Variants in OCA2 observed in about 807,000 individuals in gnomAD.
OCA2 encodes P protein.
A neutral mutation model predicts 100.2 loss-of-function variants in OCA2; 77 were observed. That is an observed-to-expected ratio of 0.77 (90% confidence interval 0.64 to 0.93). OCA2 has a LOEUF of 0.93. OCA2 is among the 40% of genes least tolerant of loss of function. The pLI is 0.00. For missense variants in OCA2, 1,062 were observed against 1,089.1 expected, an observed-to-expected ratio of 0.98 and a Z score of 0.35; for synonymous variants, 432 against 439.2, an observed-to-expected ratio of 0.98 and a Z score of 0.21.
chr15:27,966,912 G>A (rs2040588952), intron 14 of OCA2, 90 bp from the exon 15 acceptor site: 16 of 1,396,640 alleles, frequency 1.1e-5, no homozygotes, highest in Non-Finnish European at 1.5e-5. Flanking sequence ...GGTGGATCAC[G>A]AGGTCCGGAG....
chr15:28,048,543 CA>C (rs2043410620), intron 2 of OCA2, among the ~76,000 whole-genome samples: 1 of 151,772 alleles, frequency 6.6e-6, no homozygotes, highest in South Asian at 2.1e-4. Flanking sequence ...ACAATTGACT[CA>C]AAATAGATCA....
intron 6 of OCA2, among the ~76,000 whole-genome samples, chr15:28,021,340 C>T (rs1042893796): frequency 6.6e-6 from 1 of 152,160 alleles, no homozygotes; most frequent in Non-Finnish European, 1.5e-5. Flanking sequence ...CCAGAAAAGG[C>T]TGGGCGGACA....
At chr15:27,986,757 C>T (rs2041368083) in intron 11 of OCA2, 114 bp from the exon 12 acceptor site, 1 of 774,606 alleles carries the variant, frequency 1.3e-6, no homozygotes, top group African/African-American at 1.7e-5. Context: ...CACCACATCA[C>T]CAAGCTCCTC....
At chr15:27,730,732 AATATATATATATATATATATATATAT>A in the OCA2 span, among the ~76,000 whole-genome samples, 34 of 102,012 alleles carry the variant, frequency 3.3e-4, no homozygotes, top group African/African-American at 8.6e-4. Context: ...AAAAAGACCA[AATATATATATATATATATATATATAT>A]ATATATATAT....
In OCA2 at chr15:27,855,765, T is replaced by C. The variant is rs76717876; in HGVS notation, c.2245-4290A>G. ...TAAGACACAAAAATCCCTGCCCTCA[T>C]AGAGCTTGCTTTACAGTGGCAGACA... On this transcript the variant is annotated intron_variant, in intron 21 of 23. Coordinates refer to ENST00000354638, the MANE Select transcript of OCA2 (RefSeq NM_000275.3). Among the ~76,000 whole-genome samples, 11 of 152,330 alleles carry C rather than the reference T, an allele frequency of 7.2e-5. No individual in the cohort carries two copies. In the East Asian group the frequency reaches 7.7e-4, roughly 11 times the overall value.
At chr15:27,894,633 C>T (rs1382502430) in intron 19 of OCA2, among the ~76,000 whole-genome samples, 3 of 152,208 alleles carry the variant, frequency 2.0e-5, no homozygotes, top group African/African-American at 7.2e-5. Context: ...ATTTGACTCT[C>T]CTGCTTCAGC....
chr15:27,953,878 A>G (rs1179137661), intron 17 of OCA2, among the ~76,000 whole-genome samples: 1 of 151,872 alleles, frequency 6.6e-6, no homozygotes, highest in East Asian at 1.9e-4. Flanking sequence ...TGTACACAGT[A>G]CCCAATGTGT....
At chr15:27,755,542 C>T in intron 23 of OCA2, 70 bp from the exon 24 acceptor site, 4 of 1,188,922 alleles carry the variant, frequency 3.4e-6, no homozygotes, top group Non-Finnish European at 5.0e-6. Flanking sequence ...GGACTCATAG[C>T]TCATGAGAAC....
intron 7 of OCA2, among the ~76,000 whole-genome samples, chr15:28,016,629 A>C (rs2042402510): frequency 6.6e-6 from 1 of 152,092 alleles, no homozygotes; most frequent in African/African-American, 2.4e-5. Flanking sequence ...AAAAGTTTTA[A>C]AAATTAGCCA....
intron 23 of OCA2, among the ~76,000 whole-genome samples, chr15:27,829,208 T>G (rs139744310): frequency 5.9e-5 from 9 of 151,512 alleles, no homozygotes; most frequent in African/African-American, 2.2e-4. Flanking sequence ...GCTAAATGAG[T>G]AGATATAGAT....
rs1276381840 is a variant in OCA2, at chr15:27,989,609, A to G, written c.1174T>C (p.Phe392Leu). 2 of 1,613,934 alleles carry G rather than the reference A, an allele frequency of 1.2e-6. No individual in the cohort carries two copies. Among genetic ancestry groups the G allele is most frequent in the African/African-American group, 1.3e-5 (1 of 74,918 alleles). ...WIDFETLALL[F>L]GMMILVAIFS... The stretch of plus-strand genomic sequence containing the variant: ...GGGAGAGCTGTAATTACCATGCCAA[A>G]CAGCAGGGCCAGCGTCTCAAAATCA... The change falls in exon 11 of 24, where the codon TTT becomes CTT. Residue 392 changes from phenylalanine (F) to leucine (L), a missense_variant. Transcript: ENST00000354638.
chr15:27,940,246 G>A (rs1267361996), intron 18 of OCA2, among the ~76,000 whole-genome samples: 5 of 152,136 alleles, frequency 3.3e-5, no homozygotes, highest in East Asian at 1.9e-4. Context: ...TTAACAAATC[G>A]TGTAGGAGGT....
chr15:27,955,758 G>A (rs1036368760), intron 16 of OCA2, among the ~76,000 whole-genome samples: 6 of 152,146 alleles, frequency 3.9e-5, no homozygotes, highest in African/African-American at 1.4e-4. Context: ...GCCAGCAGTT[G>A]GGGAAGATCA....
rs2044634577 is a variant in OCA2 at position 28,081,753 on chromosome 15, C to T, written c.122G>A (p.Gly41Glu). 1 of 1,613,330 alleles carries T rather than the reference C, an allele frequency of 6.2e-7. No individual in the cohort carries two copies. Among genetic ancestry groups the T allele is most frequent in the Non-Finnish European group, 8.5e-7 (1 of 1,179,922 alleles). The change falls in exon 2 of 24, where the codon GGA becomes GAA. Residue 41 changes from glycine (G) to glutamate (E), a missense_variant. Gly to Glu is a moderately conservative substitution (Grantham distance 98, BLOSUM62 -2). Coordinates refer to ENST00000354638, the MANE Select transcript of OCA2 (RefSeq NM_000275.3). ...GTGCGAGGGGTCAGCTCCACCGGCT[C>T]CCCGAGGAAGCCTGCGCTTGCCGGC... is the stretch of plus-strand genomic sequence containing the variant. Reference protein sequence around the residue: ...LVAGKRRLPRGAGGADPSHSC... With the variant: ...LVAGKRRLPREAGGADPSHSC...
intron 23 of OCA2, among the ~76,000 whole-genome samples, chr15:27,756,221 A>G (rs1367189514): frequency 6.6e-6 from 1 of 152,238 alleles, no homozygotes; most frequent in Non-Finnish European, 1.5e-5. Context: ...CAAATGTTAC[A>G]ATTTTGGTTT....
At position 27,810,862 on chromosome 15, in the gene OCA2, CA is replaced by C. The variant is rs201916175; in HGVS notation, c.2432+34096del. On this transcript the variant is annotated intron_variant, in intron 23 of 23. Transcript: ENST00000354638. ...GCAAAAATGGCCATTATCAAAAAGT[CA>C]AAAAACAATAGATGTTGATGTGGAT... is the stretch of plus-strand genomic sequence containing the variant. Among the ~76,000 whole-genome samples, 1,326 of 152,076 alleles carry C rather than the reference CA, an allele frequency of 8.7e-3. 22 individuals carry two copies. The highest frequency in any genetic ancestry group is 0.031 in the African/African-American group (1,274 of 41,504).
chr15:27,755,511 C>A (rs374239058), intron 23 of OCA2, 39 bp from the exon 24 acceptor site: 7 of 1,513,250 alleles, frequency 4.6e-6, no homozygotes, highest in Middle Eastern at 1.7e-4. Context: ...CATCTGAAAT[C>A]TGGATAATCT....
At chr15:28,051,378 C>T (rs1252104690) in intron 2 of OCA2, among the ~76,000 whole-genome samples, 2 of 152,024 alleles carry the variant, frequency 1.3e-5, no homozygotes, top group Non-Finnish European at 2.9e-5. Context: ...CAGCAATCTC[C>T]GCCTCCCAGG....
chr15:27,806,608 G>GC (rs1335608312), intron 23 of OCA2, among the ~76,000 whole-genome samples: 1 of 152,220 alleles, frequency 6.6e-6, no homozygotes, highest in African/African-American at 2.4e-5. Context: ...CCCGCCGTCC[G>GC]CTGTGCGCTC....
Sources: allele counts gnomAD v4.1 joint callset (sites outside exome capture counted in the v4.1 genomes callset), GRCh38; gene constraint gnomAD v4.1.1; transcripts MANE v1.5; gene names NCBI Gene and HGNC (gene_info 2026-07-23, HGNC 2026-07-21).